LIPH: variants seen among roughly 807,000 people sequenced by gnomAD.
LIPH encodes the protein lipase member H.
Under a neutral mutation model 47.6 loss-of-function variants are expected in LIPH, and 32 were observed. The observed-to-expected ratio is 0.67, with a 90% CI of 0.51 to 0.90. The LOEUF is 0.90. Ranked by LOEUF, LIPH falls within the 40% of genes least tolerant of loss-of-function variation. LIPH has a pLI of 0.00. For synonymous variants in LIPH, 190 were observed against 195.6 expected (o/e 0.97, Z 0.24); for missense variants, 497 against 541.4 (o/e 0.92, Z 0.81).
At chr3:185,535,582 C>T (rs1720479767) in intron 1 of LIPH, among the ~76,000 whole-genome samples, 1 of 150,450 alleles carries the variant, frequency 6.6e-6, no homozygotes, top group Non-Finnish European at 1.5e-5. Flanking sequence ...CACCTGGCTG[C>T]CAAATCATAT....
chr3:185,535,119 T>G lies in LIPH; in HGVS notation c.63A>C (p.Thr21=), dbSNP rs761980447. Residue 21 remains threonine, a synonymous_variant, in exon 2 of 10, where the codon ACA becomes ACC. Transcript: ENST00000296252. ...AGCTCAGCCTGGTGAATGAAGGACA[T>G]GTTTCTTCTGCGTCTGAAAATAAAA... ...LCLSRSDAEE[T]CPSFTRLSFH... 9.3e-6 allele frequency: 15 copies of G among 1,614,026 alleles called. No individual in the cohort carries two copies. The highest frequency in any genetic ancestry group is 1.7e-5 in the Admixed American group (1 of 59,994).
rs1050710311 is a variant in LIPH, at chr3:185,536,260, T to C, written c.50-1128A>G. Among the ~76,000 whole-genome samples the C allele has an allele frequency of 3.9e-5, 6 of 152,116 alleles. No individual in the cohort carries two copies. In the East Asian group the frequency reaches 1.2e-3, roughly 29 times the overall value. ...ACTCAATAACATGTGGAACAGCAAG[T>C]CATCCCCAGCTCCAAGTGGGAGATG... is the stretch of plus-strand genomic sequence containing the variant. On this transcript the variant is annotated intron_variant, in intron 1 of 9. Transcript: ENST00000296252.
chr3:185,547,797 C>T (rs1457537961), intron 1 of LIPH, among the ~76,000 whole-genome samples: 1 of 150,242 alleles, frequency 6.7e-6, no homozygotes, highest in Admixed American at 6.7e-5. Context: ...TGCACTCCAG[C>T]CTGGGCAACA....
intron 3 of LIPH, among the ~76,000 whole-genome samples, chr3:185,530,477 C>T (rs1441512299): frequency 6.6e-6 from 1 of 151,554 alleles, no homozygotes; most frequent in African/African-American, 2.4e-5. Context: ...GACTCGGTCT[C>T]AAATAATAAT....
intron 9 of LIPH, 34 bp from the exon 10 acceptor site, chr3:185,508,911 A>G (rs754984065): frequency 4.9e-6 from 6 of 1,228,628 alleles, no homozygotes; most frequent in Non-Finnish European, 7.2e-6. Flanking sequence ...CTTGTAAATG[A>G]ATTTATAAAA....
chr3:185,534,774 G>A lies in LIPH; in HGVS notation c.408C>T (p.Asp136=), dbSNP rs200839025. ...KVAMVLKEFI[D]QMLAEGASLD... is the part of the protein sequence containing the mutation. ...AAGAGAATTCTCTTACCAACATCTGGTCAATAAATTCCTTCAAGACCATGG... is the reference window on the plus strand; with the variant it reads ...AAGAGAATTCTCTTACCAACATCTGATCAATAAATTCCTTCAAGACCATGG... Residue 136 remains aspartate, a synonymous_variant, in exon 2 of 10, where the codon GAC becomes GAT. Transcript: ENST00000296252. 6.2e-7 allele frequency: 1 copy of A among 1,613,350 alleles called. No homozygotes were observed. Among genetic ancestry groups the A allele is most frequent in the South Asian group, 1.1e-5 (1 of 91,044 alleles).
chr3:185,515,307 T>G (rs73885740), intron 7 of LIPH, among the ~76,000 whole-genome samples: 1 of 145,886 alleles, frequency 6.9e-6, no homozygotes, highest in Admixed American at 6.9e-5. Context: ...TGGGTTTTTT[T>G]AAAAAAAAAA....
chr3:185,545,228 T>C (rs1216517073), intron 1 of LIPH, among the ~76,000 whole-genome samples: 1 of 152,202 alleles, frequency 6.6e-6, no homozygotes, highest in African/African-American at 2.4e-5. Flanking sequence ...GTTGGAAAAT[T>C]ACAGTTGGAT....
chr3:185,509,512 C>T (rs1335608785), intron 9 of LIPH, among the ~76,000 whole-genome samples: 1 of 151,304 alleles, frequency 6.6e-6, no homozygotes, highest in African/African-American at 2.4e-5. Flanking sequence ...TGCCTGTAAT[C>T]CCAGCTACTT....
intron 4 of LIPH, among the ~76,000 whole-genome samples, chr3:185,527,047 G>A (rs1032334649): frequency 5.9e-5 from 9 of 152,136 alleles, no homozygotes; most frequent in African/African-American, 2.4e-5. Context: ...AGACCATCCT[G>A]GCTAACACGG....
At chr3:185,541,782 A>T (rs1409818875) in intron 1 of LIPH, among the ~76,000 whole-genome samples, 1 of 142,816 alleles carries the variant, frequency 7.0e-6, no homozygotes. Context: ...TTAGAGACAG[A>T]GTCTCACTCT....
In LIPH at chr3:185,519,142, C is replaced by T; in HGVS notation, c.886G>A (p.Gly296Ser). ...AGAGGAAACTGCTGGTTAGACTTACCCAGAAGGGGACAGGACTCTTTTTGT... is the reference window on the plus strand; with the variant it reads ...AGAGGAAACTGCTGGTTAGACTTACTCAGAAGGGGACAGGACTCTTTTTGT... ...TSQKESCPLLGYYADNWKDHL... is the reference protein window; with the variant it reads ...TSQKESCPLLSYYADNWKDHL... Residue 296 changes from glycine to serine, a missense_variant and splice_region_variant, in exon 6 of 10, where the codon GGC (glycine) becomes AGC (serine). Gly to Ser is a moderately conservative substitution (Grantham distance 56). Coordinates refer to ENST00000296252, the MANE Select transcript of LIPH (RefSeq NM_139248.3). 1 of 1,613,720 alleles carries T rather than the reference C, an allele frequency of 6.2e-7. No individual in the cohort carries two copies. The highest frequency in any genetic ancestry group is 1.3e-5 in the African/African-American group (1 of 74,990).
intron 5 of LIPH, among the ~76,000 whole-genome samples, chr3:185,522,912 A>G (rs1048410470): frequency 6.6e-6 from 1 of 152,212 alleles, no homozygotes; most frequent in African/African-American, 2.4e-5. Flanking sequence ...TAGTCTTTTT[A>G]TCTATATTTA....
chr3:185,543,920 G>A (rs1264200436), intron 1 of LIPH, among the ~76,000 whole-genome samples: 7 of 143,930 alleles, frequency 4.9e-5, no homozygotes, highest in African/African-American at 8.0e-5. Flanking sequence ...GCATGGTCTC[G>A]GCTCACTGTA....
Position 185,519,209 on chromosome 3 carries a change from G to A in LIPH, c.819C>T (p.Tyr273=). The A allele has an allele frequency of 1.2e-6, 2 of 1,612,470 alleles. No homozygotes were observed. The highest frequency in any genetic ancestry group is 2.2e-5 in the East Asian group (1 of 44,870). ...CTITAYPCDS[Y]QDYRNGKCVS... ...CACACTTGCCATTCCTATAATCCTG[G>A]TAGGAGTCACAGGGATACGCAGTGA... The change falls in exon 6 of 10, where the codon TAC becomes TAT. Residue 273 remains tyrosine (Y), a synonymous_variant. Coordinates refer to ENST00000296252, the MANE Select transcript of LIPH (RefSeq NM_139248.3).
intron 9 of LIPH, among the ~76,000 whole-genome samples, chr3:185,511,018 T>C (rs1719544579): frequency 6.6e-6 from 1 of 152,232 alleles, no homozygotes; most frequent in African/African-American, 2.4e-5. Context: ...TATAATTTTC[T>C]TGGATTACTG....
At chr3:185,548,427 C>A (rs201817758) in intron 1 of LIPH, among the ~76,000 whole-genome samples, 7,157 of 147,400 alleles carry the variant, frequency 0.049, 268 homozygotes, top group East Asian at 0.24. Context: ...AAAAAAACAA[C>A]AAAAAAAAAC....
chr3:185,543,283 CAGA>C (rs1388356254), intron 1 of LIPH, among the ~76,000 whole-genome samples: 3 of 152,138 alleles, frequency 2.0e-5, no homozygotes, highest in African/African-American at 4.8e-5. Context: ...TGTTTCTAAG[CAGA>C]AGAAGGCTAT....
chr3:185,541,761 TA>T (rs1225028329), intron 1 of LIPH, among the ~76,000 whole-genome samples: 26 of 124,762 alleles, frequency 2.1e-4, no homozygotes, highest in East Asian at 6.5e-4. Context: ...TATTTATTAT[TA>T]TTTTTTTTTT....
Sources: allele counts gnomAD v4.1 joint callset (sites outside exome capture counted in the v4.1 genomes callset), GRCh38; gene constraint gnomAD v4.1.1; transcripts MANE v1.5; gene names NCBI Gene and HGNC (gene_info 2026-07-23, HGNC 2026-07-21).